The following CBFA2T3 variants were observed in gnomAD, a reference collection of about 807,000 sequenced individuals.
The protein encoded by CBFA2T3 is transcriptional corepressor CBFA2T3.
CBFA2T3 carries 31 observed loss-of-function variants against 58.6 expected under a neutral mutation model. The observed-to-expected ratio is 0.53, with a 90% CI of 0.40 to 0.71. CBFA2T3 has a LOEUF of 0.71. Among genes scored for constraint, CBFA2T3 ranks in the 30% least tolerant of loss-of-function variants. CBFA2T3 has a pLI of 0.00. For synonymous variants in CBFA2T3, 531 were observed against 421.9 expected, an observed-to-expected ratio of 1.26 and a Z score of -3.17; for missense variants, 1,076 against 963.1, an observed-to-expected ratio of 1.12 and a Z score of -1.55.
chr16:88,936,003 G>A lies in CBFA2T3; in HGVS notation c.152-34347C>T, dbSNP rs569223699. On this transcript the variant is annotated intron_variant, in intron 1 of 11. Coordinates refer to ENST00000268679, the MANE Select transcript of CBFA2T3 (RefSeq NM_005187.6). ...CCATCCCCCTCCCCGCTGCCTCCGGGAACAGGGCAGGGGGCTGCAGTCACC... is the reference window on the plus strand; with the variant it reads ...CCATCCCCCTCCCCGCTGCCTCCGGAAACAGGGCAGGGGGCTGCAGTCACC... 4.6e-5 allele frequency among the ~76,000 whole-genome samples: 7 copies of A among 152,302 alleles called. No homozygotes were observed. The East Asian group carries it at 1.4e-3, about 29-fold the overall frequency.
chr16:88,918,616 A>C (rs1314726195), intron 1 of CBFA2T3, among the ~76,000 whole-genome samples: 1 of 152,234 alleles, frequency 6.6e-6, no homozygotes, highest in Non-Finnish European at 1.5e-5. Flanking sequence ...CCCACACAGG[A>C]GGCTGGGTGG....
intron 1 of CBFA2T3, among the ~76,000 whole-genome samples, chr16:88,923,446 C>T (rs1466920319): frequency 6.6e-6 from 1 of 152,216 alleles, no homozygotes; most frequent in Non-Finnish European, 1.5e-5. Context: ...CCTCTCAGAC[C>T]TTTGGCCACC....
chr16:88,976,802 C>A lies in CBFA2T3; in HGVS notation c.6G>T (p.Pro2=). M[P]ASRLRDRAAS... is the part of the protein sequence containing the mutation. ...CTGCCCTGTCCCTCAGTCTTGAAGC[C>A]GGCATGAGGAGGGCCACCCTCAGGG... Residue 2 remains proline (P), a synonymous_variant, in exon 1 of 12, where the codon CCG becomes CCT. Transcript: ENST00000268679. 1 of 1,552,716 alleles carries A rather than the reference C, an allele frequency of 6.4e-7. No homozygotes were observed. Among genetic ancestry groups the A allele is most frequent in the East Asian group, 2.4e-5 (1 of 41,728 alleles).
intron 1 of CBFA2T3, among the ~76,000 whole-genome samples, chr16:88,968,775 C>T (rs542408302): frequency 5.3e-5 from 8 of 152,262 alleles, no homozygotes; most frequent in South Asian, 2.1e-4. Context: ...CCAGCGGGGA[C>T]GCCTCTTTCA....
chr16:88,958,563 G>T lies in CBFA2T3; in HGVS notation c.151+18094C>A, dbSNP rs1361482198. On this transcript the variant is annotated intron_variant, in intron 1 of 11. Coordinates refer to ENST00000268679, the MANE Select transcript of CBFA2T3 (RefSeq NM_005187.6). This position sits in a 1 kb window ranked among gnomAD's most constrained non-coding sequence, Gnocchi z 4.0. ...GTCGTCTGGAGCAGAAGCTGGTGGA[G>T]AGGTGTCCTTCCTATTTCTCAGATG... is the stretch of plus-strand genomic sequence containing the variant. 1.3e-5 allele frequency among the ~76,000 whole-genome samples: 2 copies of T among 152,206 alleles called. No homozygotes were observed. Among genetic ancestry groups the T allele is most frequent in the Admixed American group, 1.3e-4 (2 of 15,286 alleles).
At chr16:88,879,211 G>T in intron 11 of CBFA2T3, 59 bp downstream of exon 11, 1 of 1,438,748 alleles carries the variant, frequency 7.0e-7, no homozygotes, top group Non-Finnish European at 9.5e-7. Flanking sequence ...TGGGGGTGGC[G>T]TGGGACCGCA....
At chr16:88,956,397 A>C (rs1972221147) in intron 1 of CBFA2T3, among the ~76,000 whole-genome samples, 1 of 152,242 alleles carries the variant, frequency 6.6e-6, no homozygotes, top group Non-Finnish European at 1.5e-5. Context: ...CAGGGGTCTC[A>C]GGGCTCTCTG....
chr16:88,911,775 G>A (rs1473296928), intron 1 of CBFA2T3, among the ~76,000 whole-genome samples: 1 of 152,260 alleles, frequency 6.6e-6, no homozygotes, highest in Non-Finnish European at 1.5e-5. Context: ...GTGCAGGTGG[G>A]GCTTGTCTTT....
At chr16:88,928,631 C>T (rs1971165210) in intron 1 of CBFA2T3, among the ~76,000 whole-genome samples, 1 of 152,220 alleles carries the variant, frequency 6.6e-6, no homozygotes, top group Non-Finnish European at 1.5e-5. Flanking sequence ...GACCGTCCCT[C>T]AGGCAAGACA....
At chr16:88,974,594 G>T (rs1023299957) in intron 1 of CBFA2T3, among the ~76,000 whole-genome samples, 3 of 152,196 alleles carry the variant, frequency 2.0e-5, no homozygotes, top group East Asian at 1.9e-4. Flanking sequence ...AGACAGGAAG[G>T]TTCTTCTACT....
intron 5 of CBFA2T3, among the ~76,000 whole-genome samples, chr16:88,889,477 G>GA (rs1567582881): frequency 6.6e-6 from 1 of 151,886 alleles, no homozygotes. Context: ...GGACTGAGGG[G>GA]AATGAGGGTC....
Position 88,877,253 on chromosome 16 carries a change from T to G in CBFA2T3, c.1685A>C (p.Lys562Thr). 1 of 1,551,884 alleles carries G rather than the reference T, an allele frequency of 6.4e-7. No homozygotes were observed. Among genetic ancestry groups the G allele is most frequent in the Non-Finnish European group, 8.7e-7 (1 of 1,148,308 alleles). The stretch of plus-strand genomic sequence containing the variant: ...GCAGCCGCTGCACGTCTCACTGGCT[T>G]TCCGCCCGCAGTTCCAGCAGCTCTG... ...SSESCWNCGR[K>T]ASETCSGCNA... Residue 562 changes from lysine (K) to threonine (T), a missense_variant, in exon 12 of 12, where the codon AAA becomes ACA. Physicochemically the swap from Lys to Thr is moderately conservative, Grantham distance 78. Transcript: ENST00000268679.
chr16:88,916,928 C>T (rs530728749), intron 1 of CBFA2T3, among the ~76,000 whole-genome samples: 6 of 151,360 alleles, frequency 4.0e-5, no homozygotes, highest in South Asian at 4.2e-4. Context: ...ACTAGACGGG[C>T]GCAGAAGCAC....
chr16:88,935,402 G>C (rs2142783328), intron 1 of CBFA2T3, among the ~76,000 whole-genome samples: 1 of 152,340 alleles, frequency 6.6e-6, no homozygotes, highest in Non-Finnish European at 1.5e-5. Flanking sequence ...GAAATACCTA[G>C]GCTCTGGAGG....
chr16:88,952,758 A>G (rs4782498), intron 1 of CBFA2T3, among the ~76,000 whole-genome samples: 122,073 of 152,022 alleles, frequency 0.8, 49,183 homozygotes, highest in East Asian at 0.97. Flanking sequence ...GACGCCTCCC[A>G]TACCCCCATG....
At chr16:88,975,978 G>A (rs1972849638) in intron 1 of CBFA2T3, among the ~76,000 whole-genome samples, 1 of 152,252 alleles carries the variant, frequency 6.6e-6, no homozygotes, top group South Asian at 2.1e-4. Flanking sequence ...CTGGGAATCG[G>A]GGCCACCAGC....
At chr16:88,883,601 G>C (rs1969227231) in intron 7 of CBFA2T3, 1 of 151,986 alleles carries the variant, frequency 6.6e-6, no homozygotes, top group African/African-American at 2.4e-5. Flanking sequence ...CGACTCTTCC[G>C]CCGTGGCTGT....
chr16:88,947,336 A>C (rs554443351), intron 1 of CBFA2T3, among the ~76,000 whole-genome samples: 1 of 152,344 alleles, frequency 6.6e-6, no homozygotes, highest in South Asian at 2.1e-4. Flanking sequence ...TAAAAGACAG[A>C]TACAAACAGA....
intron 1 of CBFA2T3, chr16:88,941,324 C>T (rs1971722451): frequency 4.3e-6 from 1 of 232,918 alleles, no homozygotes; most frequent in South Asian, 1.4e-4. Flanking sequence ...GTGGCTCCAA[C>T]GCCGCGCGCT....
Sources: gnomAD v4.1 joint callset for allele counts (sites outside exome capture counted in the v4.1 genomes callset) on GRCh38, gnomAD v4.1.1 for gene constraint, Gnocchi (gnomAD v3.1) non-coding constraint, MANE v1.5 for transcripts, NCBI Gene and HGNC (gene_info 2026-07-23, HGNC 2026-07-21) for gene names.